Variants in ZNF420 observed in about 807,000 individuals in gnomAD.
ZNF420 encodes the protein zinc finger protein 420, also known as ATM and p53-associated KZNF protein.
In ZNF420, 31 loss-of-function variants were observed where a neutral mutation model predicts 44.7. The observed-to-expected ratio is 0.69, with a 90% CI of 0.52 to 0.94. The LOEUF (loss-of-function observed/expected upper bound fraction) is 0.94. Among genes scored for constraint, ZNF420 ranks in the 40% least tolerant of loss-of-function variants. The pLI, the probability that ZNF420 is intolerant of heterozygous loss-of-function variation, is 0.00. For synonymous variants in ZNF420, 245 were observed against 267.4 expected, an observed-to-expected ratio of 0.92 and a Z score of 0.82; for missense variants, 681 against 827.9, an observed-to-expected ratio of 0.82 and a Z score of 2.18.
chr19:37,012,322 A>G (rs988395429), intron 1 of ZNF420, among the ~76,000 whole-genome samples: 47 of 152,202 alleles, frequency 3.1e-4, no homozygotes, highest in Admixed American at 2.8e-3. Context: ...GAGTCGGCCT[A>G]GCTAATGCGC....
chr19:37,021,936 C>G (rs1441556969), intron 1 of ZNF420, among the ~76,000 whole-genome samples: 2 of 84,586 alleles, frequency 2.4e-5, no homozygotes, highest in Non-Finnish European at 4.5e-5. Context: ...CAGTCTGTCT[C>G]AAAAAAAAAA....
intron 4 of ZNF420, among the ~76,000 whole-genome samples, chr19:37,095,299 A>G (rs1273742133): frequency 6.6e-6 from 1 of 152,196 alleles, no homozygotes; most frequent in Non-Finnish European, 1.5e-5. Context: ...TGCTTAATTT[A>G]GTGAAGTCTA....
At chr19:37,125,083 CT>C (rs1457466211) in intron 4 of ZNF420, among the ~76,000 whole-genome samples, 14 of 152,318 alleles carry the variant, frequency 9.2e-5, no homozygotes, top group African/African-American at 3.4e-4. Flanking sequence ...AATGATCCAC[CT>C]GCCTTGGCCT....
At chr19:37,123,920 A>C (rs1971204374) in intron 4 of ZNF420, among the ~76,000 whole-genome samples, 1 of 151,886 alleles carries the variant, frequency 6.6e-6, no homozygotes, top group African/African-American at 2.4e-5. Flanking sequence ...AATCTTGTCT[A>C]TATTTTTAAA....
chr19:37,012,005 C>G (rs1229941623), intron 1 of ZNF420, among the ~76,000 whole-genome samples: 1 of 152,334 alleles, frequency 6.6e-6, no homozygotes, highest in East Asian at 1.9e-4. Context: ...ATGGATCTTT[C>G]TGTGCCCCAG....
intron 4 of ZNF420, among the ~76,000 whole-genome samples, chr19:37,120,704 TG>T (rs1179050013): frequency 1.3e-5 from 2 of 152,196 alleles, no homozygotes; most frequent in Admixed American, 1.3e-4. Context: ...GCAGATGACA[TG>T]ATTGTGTATC....
chr19:37,010,086 G>C (rs953099734), intron 1 of ZNF420, among the ~76,000 whole-genome samples: 11 of 152,192 alleles, frequency 7.2e-5, no homozygotes, highest in Non-Finnish European at 1.3e-4. Flanking sequence ...CCCGAGGCGC[G>C]AGAGGATTAT....
intron 1 of ZNF420, among the ~76,000 whole-genome samples, chr19:37,062,698 T>C (rs983447846): frequency 6.6e-6 from 1 of 152,206 alleles, no homozygotes; most frequent in African/African-American, 2.4e-5. Context: ...TCCTGCCTTA[T>C]AGAATAAGAT....
At chr19:37,090,153 A>G (rs1196209079) in intron 3 of ZNF420, among the ~76,000 whole-genome samples, 1 of 152,204 alleles carries the variant, frequency 6.6e-6, no homozygotes, top group East Asian at 1.9e-4. Flanking sequence ...TAATTGGGAC[A>G]TTGCATTTAT....
intron 1 of ZNF420, among the ~76,000 whole-genome samples, chr19:37,050,355 A>G (rs978169213): frequency 1.3e-5 from 2 of 152,140 alleles, no homozygotes; most frequent in Non-Finnish European, 2.9e-5. Context: ...TGAGCATGTA[A>G]TGTTCTTCCA....
intron 1 of ZNF420, among the ~76,000 whole-genome samples, chr19:37,062,086 A>G (rs182526318): frequency 2.0e-4 from 31 of 152,256 alleles, no homozygotes; most frequent in African/African-American, 7.2e-4. Context: ...ACATCTTATA[A>G]CCTCTAAAAT....
Position 37,127,928 on chromosome 19 carries a change from G to C in ZNF420, c.937G>C (p.Gly313Arg). The change falls in exon 5 of 5, where the codon GGA becomes CGA. Residue 313 changes from glycine (G) to arginine (R), a missense_variant. This residue lies in a region of ZNF420 where 350 missense variants were observed against 382.5 expected (regional missense o/e 0.92). Transcript: ENST00000337995. Reference protein sequence around the residue: ...GEKPYECKECGKAFICGSQLS... With the variant: ...GEKPYECKECRKAFICGSQLS... Reference sequence around the variant, plus strand: ...GAAACCCTATGAATGTAAGGAATGTGGAAAAGCTTTTATTTGTGGCTCACA... The same window carrying C: ...GAAACCCTATGAATGTAAGGAATGTCGAAAAGCTTTTATTTGTGGCTCACA... The C allele has an allele frequency of 6.2e-7, 1 of 1,614,058 alleles. No individual in the cohort carries two copies. The highest frequency in any genetic ancestry group is 2.2e-5 in the East Asian group (1 of 44,880).
intron 2 of ZNF420, among the ~76,000 whole-genome samples, chr19:37,087,059 A>G (rs1968830347): frequency 6.6e-6 from 1 of 152,028 alleles, no homozygotes; most frequent in South Asian, 2.1e-4. Context: ...CTGAGGCAGG[A>G]GGATTGCTTG....
intron 1 of ZNF420, among the ~76,000 whole-genome samples, chr19:37,016,251 A>G (rs1233767047): frequency 1.3e-5 from 2 of 152,116 alleles, no homozygotes; most frequent in Non-Finnish European, 2.9e-5. Context: ...TTGTTGAGTG[A>G]TCTCCCATTT....
At chr19:37,039,701 C>CTT (rs3051691) in intron 1 of ZNF420, among the ~76,000 whole-genome samples, 3 of 143,808 alleles carry the variant, frequency 2.1e-5, no homozygotes, top group East Asian at 4.1e-4. Context: ...ATGTTTCTTT[C>CTT]TTTTTTTTTT....
chr19:37,031,850 T>G (rs931903747), intron 1 of ZNF420, among the ~76,000 whole-genome samples: 1 of 152,248 alleles, frequency 6.6e-6, no homozygotes, highest in African/African-American at 2.4e-5. Context: ...TGCATCTGGC[T>G]TCTTTTACTC....
At chr19:37,067,165 G>T (rs749403199) in intron 1 of ZNF420, among the ~76,000 whole-genome samples, 2 of 152,182 alleles carry the variant, frequency 1.3e-5, no homozygotes, top group African/African-American at 2.4e-5. Context: ...TGACTAGGAA[G>T]GAGCATGAAG....
In ZNF420 at chr19:37,120,578, C is replaced by G. The variant is rs575997928; in HGVS notation, c.137-6550C>G. Among the ~76,000 whole-genome samples, 5 of 152,286 alleles carry G rather than the reference C, an allele frequency of 3.3e-5. No homozygotes were observed. In the South Asian group the frequency reaches 1.0e-3, roughly 32 times the overall value. On this transcript the variant is annotated intron_variant, in intron 4 of 4. Transcript: ENST00000337995. ...AAAACTGGCACAAGACAGAGATGCC[C>G]TCTCTCACCACTCCTATTCAACATA... is the stretch of plus-strand genomic sequence containing the variant.
At chr19:37,072,026 A>G (rs1968067463) in intron 1 of ZNF420, among the ~76,000 whole-genome samples, 2 of 152,288 alleles carry the variant, frequency 1.3e-5, no homozygotes, top group East Asian at 1.9e-4. Context: ...AATGGACTGG[A>G]GCCTCTAAGG....
Sources: gnomAD v4.1 joint callset for allele counts (sites outside exome capture counted in the v4.1 genomes callset) on GRCh38, gnomAD v4.1.1 for gene constraint, gnomAD v4.1.1 regional missense constraint, MANE v1.5 for transcripts, NCBI Gene and HGNC (gene_info 2026-07-23, HGNC 2026-07-21) for gene names.